The following RARB variants were observed in gnomAD, a reference collection of about 807,000 sequenced individuals.
RARB encodes the protein HBV-activated protein.
Under a neutral mutation model 51.9 loss-of-function variants are expected in RARB, and 17 were observed. The ratio of observed to expected loss-of-function variants is 0.33; its 90% CI spans 0.22 to 0.49. The LOEUF is 0.49. Ranked by LOEUF, RARB falls within the 20% of genes least tolerant of loss-of-function variation. The pLI is 0.99. For missense variants in RARB, 369 were observed against 550.8 expected, an observed-to-expected ratio of 0.67 and a Z score of 3.30; for synonymous variants, 215 against 195.4, an observed-to-expected ratio of 1.10 and a Z score of -0.84.
rs569486800 is a variant in RARB, at chr3:25,140,141, T to C, written c.-280+7933T>C. Among the ~76,000 whole-genome samples, 10 of 152,264 alleles carry C rather than the reference T, an allele frequency of 6.6e-5. No homozygotes were observed. In the South Asian group the frequency reaches 2.1e-3, roughly 32 times the overall value. On this transcript the variant is annotated intron_variant, in intron 4 of 11. Coordinates refer to the RARB transcript ENST00000383772. The stretch of plus-strand genomic sequence containing the variant: ...AACACAACACCTATTCTGTAGCCCA[T>C]GAATCAAGAAGTAACTTCAACTTTT...
Position 25,428,842 on chromosome 3 carries a change from C to T in RARB, c.111C>T (p.Phe37=), listed in dbSNP as rs977039906. 1 of 1,614,040 alleles carries T rather than the reference C, an allele frequency of 6.2e-7. No homozygotes were observed. The highest frequency in any genetic ancestry group is 8.5e-7 in the Non-Finnish European group (1 of 1,179,988). ...AGGAGAAAGCTCTCAAAGCATGCTT[C>T]AGTGGATTGACCCAAACCGAATGGC... ...MLQEKALKAC[F]SGLTQTEWQH... is the part of the protein sequence containing the mutation. The change falls in exon 1 of 8, where the codon TTC becomes TTT. Residue 37 remains phenylalanine, a synonymous_variant. Transcript: ENST00000330688.
chr3:24,894,998 G>A (rs2125366963), intron 2 of RARB, among the ~76,000 whole-genome samples: 1 of 152,278 alleles, frequency 6.6e-6, no homozygotes, highest in Admixed American at 6.5e-5. Context: ...CCAGGGAGAT[G>A]TACTTAATTT....
intron 2 of RARB, among the ~76,000 whole-genome samples, chr3:25,035,749 G>A (rs1369492698): frequency 1.3e-5 from 2 of 152,136 alleles, no homozygotes; most frequent in African/African-American, 4.8e-5. Flanking sequence ...TATGCAAGTA[G>A]CCAAAGAATA....
At chr3:24,942,480 T>C (rs2125400786) in intron 2 of RARB, among the ~76,000 whole-genome samples, 1 of 152,280 alleles carries the variant, frequency 6.6e-6, no homozygotes, top group Admixed American at 6.5e-5. Flanking sequence ...CAAGACTTGA[T>C]GGCTAACTAA....
chr3:24,859,019 A>G (rs1702685918), intron 2 of RARB, among the ~76,000 whole-genome samples: 2 of 144,220 alleles, frequency 1.4e-5, no homozygotes, highest in Admixed American at 1.4e-4. Context: ...CCTGGATGAC[A>G]GAGCAAGACT....
chr3:25,187,183 C>T (rs1700998988), intron 5 of RARB, among the ~76,000 whole-genome samples: 2 of 152,034 alleles, frequency 1.3e-5, no homozygotes, highest in Non-Finnish European at 2.9e-5. Context: ...AAGACAATGG[C>T]CTCTTACCTC....
intron 2 of RARB, among the ~76,000 whole-genome samples, chr3:24,927,569 A>G (rs953041596): frequency 1.3e-5 from 2 of 152,002 alleles, no homozygotes; most frequent in African/African-American, 2.4e-5. Context: ...TAAGAGCTGA[A>G]GTGTATGGCT....
At chr3:25,040,128 T>C (rs1698083033) in intron 2 of RARB, among the ~76,000 whole-genome samples, 1 of 152,176 alleles carries the variant, frequency 6.6e-6, no homozygotes, top group South Asian at 2.1e-4. Flanking sequence ...AATGTTATTG[T>C]GGGAGCAGTG....
chr3:25,229,656 C>A (rs969974670), intron 5 of RARB, among the ~76,000 whole-genome samples: 1 of 148,926 alleles, frequency 6.7e-6, no homozygotes, highest in South Asian at 2.1e-4. Flanking sequence ...AATGGGCACC[C>A]TTTTTTTTTT....
chr3:25,159,181 G>C (rs76276500), intron 4 of RARB, among the ~76,000 whole-genome samples: 1 of 17,964 alleles, frequency 5.6e-5, no homozygotes, highest in Non-Finnish European at 1.3e-4. Context: ...TTTTTTTTTT[G>C]AGATGGAGTT....
At chr3:24,991,247 C>T (rs1441273161) in intron 2 of RARB, among the ~76,000 whole-genome samples, 1 of 152,136 alleles carries the variant, frequency 6.6e-6, no homozygotes, top group Non-Finnish European at 1.5e-5. Flanking sequence ...TCAAGACCAG[C>T]CTGGTCATCA....
At chr3:25,292,963 C>T (rs757936968) in intron 5 of RARB, among the ~76,000 whole-genome samples, 68 of 152,048 alleles carry the variant, frequency 4.5e-4, no homozygotes, top group Admixed American at 6.6e-4. Flanking sequence ...ATGTGTTCTC[C>T]GCGAGAGCCA....
At chr3:25,067,462 G>A (rs1404204793) in intron 3 of RARB, among the ~76,000 whole-genome samples, 1 of 152,156 alleles carries the variant, frequency 6.6e-6, no homozygotes, top group Non-Finnish European at 1.5e-5. Flanking sequence ...AAAGAAACCA[G>A]ACTGGAGTGG....
intron 5 of RARB, among the ~76,000 whole-genome samples, chr3:25,388,723 G>T (rs1319108128): frequency 6.6e-6 from 1 of 152,166 alleles, no homozygotes; most frequent in Non-Finnish European, 1.5e-5. Flanking sequence ...AACTGTACAA[G>T]GGAAGCCTGC....
chr3:25,520,658 G>T (rs1323974706), intron 3 of RARB, among the ~76,000 whole-genome samples: 1 of 152,182 alleles, frequency 6.6e-6, no homozygotes, highest in Non-Finnish European at 1.5e-5. Flanking sequence ...AGAGAAAAAT[G>T]TAAGTGGTGA....
chr3:25,032,353 C>G (rs902864166), intron 2 of RARB, among the ~76,000 whole-genome samples: 14 of 152,178 alleles, frequency 9.2e-5, no homozygotes, highest in Non-Finnish European at 1.8e-4. Context: ...GCCCTATGGG[C>G]TATGAAAATT....
chr3:25,383,886 C>T (rs549898427), intron 5 of RARB, among the ~76,000 whole-genome samples: 23 of 150,368 alleles, frequency 1.5e-4, no homozygotes, highest in South Asian at 4.2e-4. Context: ...GCTGAGTTCA[C>T]GCCATTGCAC....
intron 5 of RARB, among the ~76,000 whole-genome samples, chr3:25,270,261 C>T (rs893742241): frequency 2.6e-5 from 4 of 152,100 alleles, no homozygotes; most frequent in Non-Finnish European, 4.4e-5. Flanking sequence ...ATAGATAAGC[C>T]AAATGCGGTC....
rs1171642941 is a variant in RARB at position 25,428,519 on chromosome 3, A to T, written c.-213A>T. 1 of 1,274,686 alleles carries T rather than the reference A, an allele frequency of 7.8e-7. No individual in the cohort carries two copies. Among genetic ancestry groups the T allele is most frequent in the Non-Finnish European group, 9.9e-7 (1 of 1,011,128 alleles). 79.0% of individuals were successfully genotyped at this position (1,274,686 alleles called of 1,614,324 possible). Reference sequence around the variant, plus strand: ...CCGCCCCGGCTGGATTGGCCGAGCAAGCCTGGAAAATGGTAAATGATCATT... The same window carrying T: ...CCGCCCCGGCTGGATTGGCCGAGCATGCCTGGAAAATGGTAAATGATCATT... On this transcript the variant is annotated 5_prime_UTR_variant, in exon 1 of 8. It adds an upstream start codon to the 5' untranslated region. Coordinates refer to ENST00000330688, the MANE Select transcript of RARB (RefSeq NM_000965.5).
Sources: gnomAD v4.1 joint callset for allele counts (sites outside exome capture counted in the v4.1 genomes callset) on GRCh38, gnomAD v4.1.1 for gene constraint, MANE v1.5 for transcripts, NCBI Gene and HGNC (gene_info 2026-07-23, HGNC 2026-07-21) for gene names.